Variants in CDH3 observed in about 807,000 individuals in gnomAD.
CDH3 encodes the protein cadherin-3.
A neutral mutation model predicts 82.0 loss-of-function variants in CDH3; 54 were observed. That is an observed-to-expected ratio of 0.66 (90% CI 0.53 to 0.83). The LOEUF (loss-of-function observed/expected upper bound fraction) is 0.83, where lower values mean the gene tolerates loss of function less well. CDH3 is among the 40% of genes least tolerant of loss of function. The pLI is 0.00. For synonymous variants in CDH3, 446 were observed against 437.9 expected (o/e 1.02, Z -0.23); for missense variants, 1,054 against 1,084.6 (o/e 0.97, Z 0.40).
chr16:68,657,008 A>G (rs1960424211), intron 2 of CDH3, among the ~76,000 whole-genome samples: 1 of 152,040 alleles, frequency 6.6e-6, no homozygotes, highest in South Asian at 2.1e-4. Context: ...CTCTGGGTAG[A>G]AGAGCTTGAC....
chr16:68,666,259 G>A (rs1213849940), intron 2 of CDH3, among the ~76,000 whole-genome samples: 1 of 152,030 alleles, frequency 6.6e-6, no homozygotes, highest in Non-Finnish European at 1.5e-5. Context: ...GGGGGCCTGT[G>A]TATAGATGGG....
chr16:68,706,029 C>T (rs1379586351), intron 1 of CDH3, among the ~76,000 whole-genome samples: 2 of 145,838 alleles, frequency 1.4e-5, no homozygotes, highest in Non-Finnish European at 3.0e-5. Flanking sequence ...CATGCCACTG[C>T]ACTCCAGCCT....
At chr16:68,706,315 C>T (rs139072188) in intron 1 of CDH3, among the ~76,000 whole-genome samples, 8 of 151,788 alleles carry the variant, frequency 5.3e-5, no homozygotes, top group Admixed American at 2.0e-4. Context: ...AGCCCAGGAG[C>T]AGCGGCCAGT....
chr16:68,695,698 G>C (rs1468385940), intron 14 of CDH3, 79 bp from the exon 15 acceptor site: 8 of 1,501,958 alleles, frequency 5.3e-6, no homozygotes, highest in Non-Finnish European at 6.5e-6. Context: ...AAGGGTAGGG[G>C]GTGTGGGGTG....
chr16:68,681,250 C>T (rs1286949000), intron 8 of CDH3, among the ~76,000 whole-genome samples, 154 bp downstream of exon 8: 1 of 152,148 alleles, frequency 6.6e-6, no homozygotes, highest in Admixed American at 6.5e-5. Context: ...TCTCTGTGCC[C>T]CATTTCCTAA....
chr16:68,681,363 G>A (rs908670070), intron 8 of CDH3, among the ~76,000 whole-genome samples: 2 of 152,218 alleles, frequency 1.3e-5, no homozygotes, highest in African/African-American at 4.8e-5. Flanking sequence ...AGAAGTGCTT[G>A]ATATGAAAAT....
chr16:68,655,377 T>C (rs1403708504), intron 2 of CDH3, among the ~76,000 whole-genome samples: 4 of 152,188 alleles, frequency 2.6e-5, no homozygotes, highest in Non-Finnish European at 5.9e-5. Flanking sequence ...AGGCCACAGC[T>C]CCTAACCCTC....
intron 2 of CDH3, among the ~76,000 whole-genome samples, chr16:68,672,332 TG>T (rs1960909285): frequency 6.6e-6 from 1 of 152,242 alleles, no homozygotes; most frequent in Non-Finnish European, 1.5e-5. Context: ...ATTCTTATTT[TG>T]TTTTACTATC....
At chr16:68,719,535 T>G in intron 1 of CDH3, among the ~76,000 whole-genome samples, 1 of 102,058 alleles carries the variant, frequency 9.8e-6, no homozygotes, top group African/African-American at 3.8e-5. Context: ...TGAGAGGGAG[T>G]CTCGCTCTGT....
At chr16:68,710,600 G>A (rs1413276003) in intron 1 of CDH3, among the ~76,000 whole-genome samples, 2 of 152,164 alleles carry the variant, frequency 1.3e-5, no homozygotes, top group African/African-American at 2.4e-5. Flanking sequence ...GCTCACGCCT[G>A]TAATCCCAGC....
chr16:68,661,752 G>T (rs182435675), intron 2 of CDH3, among the ~76,000 whole-genome samples: 103 of 152,280 alleles, frequency 6.8e-4, no homozygotes, highest in African/African-American at 2.5e-3. Context: ...TCAATGGCGC[G>T]ATCTCAGCTC....
chr16:68,719,467 G>A (rs1962135694), intron 1 of CDH3, among the ~76,000 whole-genome samples: 1 of 151,008 alleles, frequency 6.6e-6, no homozygotes, highest in South Asian at 2.1e-4. Context: ...CATCTACAAG[G>A]GCACAGGGGG....
At chr16:68,660,765 T>C (rs1163159920) in intron 2 of CDH3, among the ~76,000 whole-genome samples, 3 of 152,170 alleles carry the variant, frequency 2.0e-5, no homozygotes, top group Admixed American at 1.3e-4. Context: ...GAGACTATCC[T>C]GGCTAACACA....
At chr16:68,713,717 C>A (rs1010382871) in intron 1 of CDH3, among the ~76,000 whole-genome samples, 1 of 152,132 alleles carries the variant, frequency 6.6e-6, no homozygotes, top group South Asian at 2.1e-4. Context: ...CTTCAAATCC[C>A]AGCCTAGGTT....
In CDH3 at chr16:68,658,282, G is replaced by A. The variant is rs137986748; in HGVS notation, c.160+12532G>A. 9.1e-3 allele frequency among the ~76,000 whole-genome samples: 1,391 copies of A among 152,088 alleles called. 8 individuals carry two copies. Among genetic ancestry groups the A allele is most frequent in the Non-Finnish European group, 0.013 (915 of 67,982 alleles). On this transcript the variant is annotated intron_variant, in intron 2 of 15. Coordinates refer to ENST00000264012, the MANE Select transcript of CDH3 (RefSeq NM_001793.6). ...CCATTTGGAAATTCTTCAGACTCTCGTTAAACCCAGCAGTGGGAAGAGACC... is the reference window on the plus strand; with the variant it reads ...CCATTTGGAAATTCTTCAGACTCTCATTAAACCCAGCAGTGGGAAGAGACC...
At chr16:68,661,079 G>A (rs992996437) in intron 2 of CDH3, among the ~76,000 whole-genome samples, 3 of 152,234 alleles carry the variant, frequency 2.0e-5, no homozygotes, top group Admixed American at 1.3e-4. Context: ...AGGGGCCAAG[G>A]GGATGCTTAC....
chr16:68,682,855 G>A (rs754748579), intron 9 of CDH3, among the ~76,000 whole-genome samples: 17 of 152,020 alleles, frequency 1.1e-4, no homozygotes, highest in Non-Finnish European at 2.1e-4. Context: ...ATAATAAAAT[G>A]TTTTGAATCA....
intron 9 of CDH3, among the ~76,000 whole-genome samples, chr16:68,683,016 G>A (rs1272643127): frequency 6.6e-6 from 1 of 152,130 alleles, no homozygotes; most frequent in Non-Finnish European, 1.5e-5. Flanking sequence ...AGGAGGCTGA[G>A]GTGGGAGGAT....
intron 2 of CDH3, among the ~76,000 whole-genome samples, chr16:68,649,668 G>A (rs1366682600): frequency 6.6e-6 from 1 of 152,172 alleles, no homozygotes; most frequent in African/African-American, 2.4e-5. Context: ...GGAGGGGCGT[G>A]TGGCCAGGGG....
Sources: allele counts gnomAD v4.1 joint callset (sites outside exome capture counted in the v4.1 genomes callset), GRCh38; gene constraint gnomAD v4.1.1; transcripts MANE v1.5; gene names NCBI Gene and HGNC (gene_info 2026-07-23, HGNC 2026-07-21).